The following CNGA3 variants were observed in gnomAD, a reference collection of about 807,000 sequenced individuals.
The protein encoded by CNGA3 is cyclic nucleotide-gated channel alpha-3.
In CNGA3, 42 loss-of-function variants were observed where a neutral mutation model predicts 46.6. That is an observed-to-expected ratio of 0.90 (90% CI 0.70 to 1.17). The LOEUF is 1.17. CNGA3 is among the 50% of genes most tolerant of loss of function. CNGA3 has a pLI of 0.00. For synonymous variants in CNGA3, 394 were observed against 369.4 expected (o/e 1.07, Z -0.76); for missense variants, 893 against 890.7 (o/e 1.00, Z -0.03).
chr2:98,391,988 C>T lies in CNGA3; in HGVS notation c.673+18C>T, dbSNP rs1174371335. ...TCGGACAGGTGAGTGTGCCCCAGGCCTGGGGAGGGGACCATGGCCCCCACG... is the reference window on the plus strand; with the variant it reads ...TCGGACAGGTGAGTGTGCCCCAGGCTTGGGGAGGGGACCATGGCCCCCACG... On this transcript the variant is annotated intron_variant, in intron 7 of 7. Coordinates refer to ENST00000272602, the MANE Select transcript of CNGA3 (RefSeq NM_001298.3). The T allele has an allele frequency of 1.9e-6, 3 of 1,608,024 alleles. No individual in the cohort carries two copies. Among genetic ancestry groups the T allele is most frequent in the East Asian group, 4.5e-5 (2 of 44,844 alleles).
intron 5 of CNGA3, among the ~76,000 whole-genome samples, chr2:98,386,238 C>A (rs1238146963): frequency 6.6e-6 from 1 of 152,172 alleles, no homozygotes; most frequent in Non-Finnish European, 1.5e-5. Context: ...CCTCATATGG[C>A]AAAGGGAACT....
At chr2:98,355,320 A>G in intron 1 of CNGA3, among the ~76,000 whole-genome samples, 1 of 152,220 alleles carries the variant, frequency 6.6e-6, no homozygotes, top group East Asian at 1.9e-4. Flanking sequence ...AAAAATATTA[A>G]CATTATATAG....
At chr2:98,387,434 G>C (rs1031952631) in intron 5 of CNGA3, among the ~76,000 whole-genome samples, 1 of 152,174 alleles carries the variant, frequency 6.6e-6, no homozygotes, top group African/African-American at 2.4e-5. Flanking sequence ...GGACTCGAGG[G>C]GTTGTCCCTT....
intron 2 of CNGA3, among the ~76,000 whole-genome samples, chr2:98,373,855 T>C (rs1196203109): frequency 6.6e-6 from 1 of 152,196 alleles, no homozygotes. Flanking sequence ...CGGGGGTTTG[T>C]GTCTGACAGA....
intron 2 of CNGA3, among the ~76,000 whole-genome samples, chr2:98,372,816 T>C (rs1217158809): frequency 1.3e-5 from 2 of 152,118 alleles, no homozygotes; most frequent in Non-Finnish European, 2.9e-5. Context: ...TCTCTTCTCC[T>C]TGACCTCAGA....
At chr2:98,357,372 G>T (rs1691907269) in intron 1 of CNGA3, among the ~76,000 whole-genome samples, 1 of 152,188 alleles carries the variant, frequency 6.6e-6, no homozygotes, top group Non-Finnish European at 1.5e-5. Flanking sequence ...GGTAAATGTT[G>T]AATAGTGCTA....
At position 98,369,945 on chromosome 2, in the gene CNGA3, T is replaced by C; in HGVS notation, c.-31T>C. Reference sequence around the variant, plus strand: ...CTTTGTGTTCACATTTTAGCAATCATCTGGGGGGCTAAATGTGACAAACCG... The same window carrying C: ...CTTTGTGTTCACATTTTAGCAATCACCTGGGGGGCTAAATGTGACAAACCG... On this transcript the variant is annotated 5_prime_UTR_variant, in exon 2 of 8. Transcript: ENST00000272602. 1 of 1,565,394 alleles carries C rather than the reference T, an allele frequency of 6.4e-7. No individual in the cohort carries two copies. The highest frequency in any genetic ancestry group is 8.8e-7 in the Non-Finnish European group (1 of 1,137,440).
intron 1 of CNGA3, among the ~76,000 whole-genome samples, chr2:98,358,109 GT>G (rs1193331900): frequency 6.6e-6 from 1 of 152,214 alleles, no homozygotes; most frequent in Non-Finnish European, 1.5e-5. Context: ...ACTGATTGTG[GT>G]TTCATTATCT....
intron 4 of CNGA3, among the ~76,000 whole-genome samples, chr2:98,381,344 C>G (rs1052509411): frequency 6.6e-6 from 1 of 152,080 alleles, no homozygotes; most frequent in African/African-American, 2.4e-5. Flanking sequence ...AACAGACAGT[C>G]CCTATATAAT....
intron 1 of CNGA3, among the ~76,000 whole-genome samples, chr2:98,365,964 G>C (rs922319742): frequency 7.2e-5 from 11 of 152,310 alleles, no homozygotes; most frequent in African/African-American, 2.2e-4. Flanking sequence ...TGATCATTTG[G>C]AGGAGAAGAG....
At chr2:98,347,083 C>G (rs1691649415) in intron 1 of CNGA3, 1 of 152,292 alleles carries the variant, frequency 6.6e-6, no homozygotes, top group Admixed American at 6.5e-5. Flanking sequence ...GAGGTTGAGT[C>G]AGTGGCCTGG....
chr2:98,356,391 C>G (rs938490308), intron 1 of CNGA3, among the ~76,000 whole-genome samples: 2 of 152,158 alleles, frequency 1.3e-5, no homozygotes, highest in African/African-American at 4.8e-5. Flanking sequence ...AGTGATCAGT[C>G]TCTGCTGGAG....
chr2:98,356,802 T>G (rs1380920485), intron 1 of CNGA3, among the ~76,000 whole-genome samples: 1 of 152,214 alleles, frequency 6.6e-6, no homozygotes, highest in Non-Finnish European at 1.5e-5. Flanking sequence ...AGGTTTTCTT[T>G]CGGAAGCACG....
intron 5 of CNGA3, among the ~76,000 whole-genome samples, chr2:98,387,857 C>T (rs1318569149): frequency 1.3e-5 from 2 of 152,186 alleles, no homozygotes; most frequent in East Asian, 1.9e-4. Context: ...CCATTCAGAA[C>T]GGAGAGCCTG....
At position 98,396,470 on chromosome 2, in the gene CNGA3, G is replaced by C. The variant is rs762697129; in HGVS notation, c.1300G>C (p.Glu434Gln). The change falls in exon 8 of 8, where the codon GAG becomes CAG. Residue 434 changes from glutamate (E) to glutamine (Q), a missense_variant. Physicochemically the swap from Glu to Gln is conservative, Grantham distance 29. Around this residue, in one of 3 missense-constraint regions of CNGA3, gnomAD observed 548 missense variants for 570.8 expected, o/e 0.96. Coordinates refer to ENST00000272602, the MANE Select transcript of CNGA3 (RefSeq NM_001298.3). Reference sequence around the variant, plus strand: ...GTTCCGCAAGGTCACCAAGGACTTGGAGACGCGGGTTATCCGGTGGTTTGA... The same window carrying C: ...GTTCCGCAAGGTCACCAAGGACTTGCAGACGCGGGTTATCCGGTGGTTTGA... Reference protein sequence around the residue: ...MQFRKVTKDLETRVIRWFDYL... With the variant: ...MQFRKVTKDLQTRVIRWFDYL... The C allele has an allele frequency of 3.1e-6, 5 of 1,613,892 alleles. No homozygotes were observed. Among genetic ancestry groups the C allele is most frequent in the Non-Finnish European group, 4.2e-6 (5 of 1,180,052 alleles).
chr2:98,364,835 G>A (rs1437671280), intron 1 of CNGA3, among the ~76,000 whole-genome samples: 1 of 152,130 alleles, frequency 6.6e-6, no homozygotes, highest in Non-Finnish European at 1.5e-5. Flanking sequence ...GCATTTACTT[G>A]TCTGAAAAGG....
At chr2:98,351,788 G>A (rs1400798011) in intron 1 of CNGA3, among the ~76,000 whole-genome samples, 2 of 152,052 alleles carry the variant, frequency 1.3e-5, no homozygotes, top group Non-Finnish European at 2.9e-5. Context: ...TGAGTTTCTT[G>A]TAGCTGATAT....
Position 98,388,504 on chromosome 2 carries a change from G to T in CNGA3, c.450-1154G>T, listed in dbSNP as rs140515349. ...GCTGAGGAAAAGTCGGTCCCAGCAG[G>T]CTGCAGACCATGCCTCCTGAGACCA... On this transcript the variant is annotated intron_variant, in intron 5 of 7. Coordinates refer to ENST00000272602, the MANE Select transcript of CNGA3 (RefSeq NM_001298.3). 1.6e-3 allele frequency among the ~76,000 whole-genome samples: 238 copies of T among 152,292 alleles called. 1 individual carries two copies. The highest frequency in any genetic ancestry group is 5.3e-3 in the African/African-American group (219 of 41,568).
chr2:98,380,127 G>A, intron 3 of CNGA3, 48 bp from the exon 4 acceptor site: 1 of 1,605,358 alleles, frequency 6.2e-7, no homozygotes, highest in South Asian at 1.1e-5. Context: ...TTGGGGGTGT[G>A]GGGGGCTTTT....
Sources: gnomAD v4.1 joint callset for allele counts (sites outside exome capture counted in the v4.1 genomes callset) on GRCh38, gnomAD v4.1.1 for gene constraint, gnomAD v4.1.1 regional missense constraint, MANE v1.5 for transcripts, NCBI Gene and HGNC (gene_info 2026-07-23, HGNC 2026-07-21) for gene names.